The following LPP variants were observed in gnomAD, a reference collection of about 807,000 sequenced individuals.
LPP encodes the protein lipoma-preferred partner.
A neutral mutation model predicts 60.4 loss-of-function variants in LPP; 38 were observed. The observed-to-expected ratio is 0.63, with a 90% confidence interval of 0.49 to 0.83. The LOEUF is 0.83. Ranked by LOEUF, LPP falls within the 40% of genes least tolerant of loss-of-function variation. The probability of loss-of-function intolerance (pLI) is 0.00; values close to 1 mark genes in which losing one functional copy is unlikely to be tolerated. For missense variants in LPP, 902 were observed against 783.6 expected (o/e 1.15, Z -1.80); for synonymous variants, 328 against 290.8 (o/e 1.13, Z -1.30).
chr3:188,428,726 C>T (rs1396147154), intron 4 of LPP, among the ~76,000 whole-genome samples: 2 of 151,802 alleles, frequency 1.3e-5, no homozygotes, highest in Non-Finnish European at 2.9e-5. Flanking sequence ...GTGCAGGAAA[C>T]TGAAAGAACG....
intron 2 of LPP, among the ~76,000 whole-genome samples, chr3:188,227,888 T>A (rs1718397331): frequency 6.6e-6 from 1 of 152,216 alleles, no homozygotes; most frequent in African/African-American, 2.4e-5. Flanking sequence ...TATGAACCAC[T>A]ATTCTCCTGA....
intron 7 of LPP, among the ~76,000 whole-genome samples, chr3:188,673,257 T>C (rs1431209912): frequency 6.6e-6 from 1 of 151,980 alleles, no homozygotes; most frequent in Non-Finnish European, 1.5e-5. Context: ...TTTTTAACTC[T>C]GAGGGCCCTG....
chr3:188,240,863 G>A (rs1396788040), intron 2 of LPP, among the ~76,000 whole-genome samples: 5 of 152,168 alleles, frequency 3.3e-5, no homozygotes, highest in Admixed American at 2.6e-4. Context: ...CTCCCTATTG[G>A]CTATATTAAA....
chr3:188,647,583 A>C (rs1851349012), intron 7 of LPP, among the ~76,000 whole-genome samples: 1 of 152,090 alleles, frequency 6.6e-6, no homozygotes, highest in Admixed American at 6.5e-5. Context: ...CTTTCAAGAG[A>C]CAATAAAGGA....
chr3:188,183,195 A>G (rs752318545), intron 1 of LPP, among the ~76,000 whole-genome samples: 1 of 152,196 alleles, frequency 6.6e-6, no homozygotes, highest in African/African-American at 2.4e-5. Flanking sequence ...TTGATTGGGC[A>G]GCTGGGAGTG....
Position 188,796,831 on chromosome 3 carries a change from C to G in LPP, c.1410+36549C>G, listed in dbSNP as rs926187010. Among the ~76,000 whole-genome samples the G allele has an allele frequency of 5.3e-5, 8 of 152,238 alleles. No individual in the cohort carries two copies. In the East Asian group the frequency reaches 1.5e-3, roughly 29 times the overall value. On this transcript the variant is annotated intron_variant, in intron 9 of 11. Coordinates refer to ENST00000617246, the MANE Select transcript of LPP (RefSeq NM_001375462.1). ...GATCTAGATCACAGCCTTCCAATTCCTAGGCCAGGATACTTTCCATTTTTC... is the reference window on the plus strand; with the variant it reads ...GATCTAGATCACAGCCTTCCAATTCGTAGGCCAGGATACTTTCCATTTTTC...
chr3:188,425,562 T>C (rs1789074996), intron 4 of LPP, among the ~76,000 whole-genome samples: 2 of 152,318 alleles, frequency 1.3e-5, no homozygotes, highest in Non-Finnish European at 2.9e-5. Flanking sequence ...AATTTGGCTG[T>C]TAATCTTTCT....
At chr3:188,549,109 A>G (rs973391079) in intron 6 of LPP, among the ~76,000 whole-genome samples, 2 of 152,238 alleles carry the variant, frequency 1.3e-5, no homozygotes, top group Non-Finnish European at 2.9e-5. Context: ...TATGTATGGA[A>G]TTTCACTGTG....
At chr3:188,489,547 C>G in intron 5 of LPP, among the ~76,000 whole-genome samples, 1 of 152,174 alleles carries the variant, frequency 6.6e-6, no homozygotes, top group East Asian at 1.9e-4. Flanking sequence ...GGAACCTACT[C>G]TTTGTTCTGA....
At chr3:188,340,105 A>G (rs1350140818) in intron 2 of LPP, among the ~76,000 whole-genome samples, 4 of 152,146 alleles carry the variant, frequency 2.6e-5, no homozygotes, top group South Asian at 4.1e-4. Context: ...TCAAATAGCA[A>G]TTGGGAGGCT....
At chr3:188,760,736 C>G (rs563333906) in intron 9 of LPP, among the ~76,000 whole-genome samples, 9 of 152,304 alleles carry the variant, frequency 5.9e-5, no homozygotes, top group South Asian at 2.1e-4. Flanking sequence ...TTCCAGAATA[C>G]TGGGCCCTTT....
chr3:188,747,482 A>G (rs1242736966), intron 8 of LPP, among the ~76,000 whole-genome samples: 3 of 152,226 alleles, frequency 2.0e-5, no homozygotes, highest in Non-Finnish European at 4.4e-5. Flanking sequence ...CGAGAGGAGA[A>G]AAGTAAGAAC....
At chr3:188,397,350 G>C (rs1781188498) in intron 3 of LPP, among the ~76,000 whole-genome samples, 1 of 152,134 alleles carries the variant, frequency 6.6e-6, no homozygotes, top group Non-Finnish European at 1.5e-5. Context: ...TCTCCTAGCT[G>C]GGGTTCTCTA....
intron 9 of LPP, among the ~76,000 whole-genome samples, chr3:188,858,844 C>G (rs143763951): frequency 0.019 from 2,851 of 152,124 alleles, 80 homozygotes; most frequent in African/African-American, 0.064. Context: ...AATCCCAGCA[C>G]TTTGGGAGGC....
chr3:188,324,487 G>A (rs1757832879), intron 2 of LPP, among the ~76,000 whole-genome samples: 1 of 152,110 alleles, frequency 6.6e-6, no homozygotes, highest in Non-Finnish European at 1.5e-5. Context: ...CATGAGGCAT[G>A]TTCACCCCCG....
At chr3:188,371,645 T>TA (rs1773243051) in intron 3 of LPP, among the ~76,000 whole-genome samples, 3 of 25,034 alleles carry the variant, frequency 1.2e-4, no homozygotes, top group Non-Finnish European at 2.0e-4. Flanking sequence ...ATATATATTT[T>TA]TTTTTTTTTT....
intron 2 of LPP, among the ~76,000 whole-genome samples, chr3:188,240,594 T>G (rs1724081272): frequency 1.3e-5 from 2 of 152,234 alleles, no homozygotes; most frequent in South Asian, 2.1e-4. Flanking sequence ...ATTGAGTAGT[T>G]AGGATATTAG....
chr3:188,551,799 G>A (rs1178742995), intron 6 of LPP, among the ~76,000 whole-genome samples: 1 of 152,162 alleles, frequency 6.6e-6, no homozygotes, highest in Non-Finnish European at 1.5e-5. Flanking sequence ...ATTCACTAAT[G>A]TAGGTTGGAG....
At chr3:188,478,994 C>A (rs13085568) in intron 4 of LPP, among the ~76,000 whole-genome samples, 55,086 of 151,888 alleles carry the variant, frequency 0.36, 11,095 homozygotes, top group Admixed American at 0.45. Context: ...CCTCCTGATC[C>A]GCTTGCCTCG....
Sources: allele counts gnomAD v4.1 joint callset (sites outside exome capture counted in the v4.1 genomes callset), GRCh38; gene constraint gnomAD v4.1.1; transcripts MANE v1.5; gene names NCBI Gene and HGNC (gene_info 2026-07-23, HGNC 2026-07-21).